CASK: variants seen among roughly 807,000 people sequenced by gnomAD.
The protein encoded by CASK is calcium/calmodulin dependent serine protein kinase, also known as peripheral plasma membrane protein CASK.
A neutral mutation model predicts 82.9 loss-of-function variants in CASK; 4 were observed. The ratio of observed to expected loss-of-function variants is 0.05; its 90% CI spans 0.02 to 0.11. The LOEUF is 0.11. Ranked by LOEUF, CASK falls within the 10% of genes least tolerant of loss-of-function variation. The pLI is 1.00. For missense variants in CASK, 358 were observed against 720.9 expected, an observed-to-expected ratio of 0.50 and a Z score of 5.76; for synonymous variants, 259 against 253.5, an observed-to-expected ratio of 1.02 and a Z score of -0.20.
intron 1 of CASK, among the ~76,000 whole-genome samples, chrX:41,920,337 C>A (rs1295292406): frequency 8.9e-6 from 1 of 111,951 alleles, no homozygotes; most frequent in African/African-American, 3.3e-5. Context: ...GTCAAGGTCC[C>A]TGCAAGAAAA....
intron 8 of CASK, among the ~76,000 whole-genome samples, chrX:41,647,836 C>T (rs1395704324): frequency 8.9e-6 from 1 of 112,078 alleles, no homozygotes; most frequent in African/African-American, 3.2e-5. Flanking sequence ...TTGTGATTTC[C>T]TATGCCTGTC....
chrX:41,774,196 T>C lies in CASK; in HGVS notation c.278+12982A>G, dbSNP rs957613825. Among the ~76,000 whole-genome samples the C allele has an allele frequency of 3.6e-5, 4 of 110,357 alleles. No homozygotes were observed. The East Asian group carries it at 1.1e-3, about 31-fold the overall frequency. On this transcript the variant is annotated intron_variant, in intron 3 of 26. Coordinates refer to ENST00000378163, the MANE Select transcript of CASK (RefSeq NM_001367721.1). Reference sequence around the variant, plus strand: ...TGATTGTATATCTAGAAAACCCCATTGTCTCAGCCCAAAATCTCCTTAAGC... The same window carrying C: ...TGATTGTATATCTAGAAAACCCCATCGTCTCAGCCCAAAATCTCCTTAAGC...
At chrX:41,661,136 C>T (rs1199229409) in intron 7 of CASK, among the ~76,000 whole-genome samples, 1 of 111,421 alleles carries the variant, frequency 9.0e-6, no homozygotes, top group Non-Finnish European at 1.9e-5. Flanking sequence ...GACAACTAAG[C>T]CACATGGTAT....
At chrX:41,612,515 T>C (rs2066089969) in intron 11 of CASK, among the ~76,000 whole-genome samples, 1 of 100,016 alleles carries the variant, frequency 1.0e-5, no homozygotes, top group Admixed American at 1.1e-4. Context: ...AGCCACCCCG[T>C]CCGGGAAGGA....
At chrX:41,903,852 A>T (rs571919694) in intron 1 of CASK, among the ~76,000 whole-genome samples, 8 of 112,333 alleles carry the variant, frequency 7.1e-5, no homozygotes, top group African/African-American at 2.6e-4. Flanking sequence ...GTAACTAAGG[A>T]ACTGAATTTT....
intron 1 of CASK, among the ~76,000 whole-genome samples, chrX:41,922,279 C>A (rs2072797352): frequency 9.0e-6 from 1 of 111,506 alleles, no homozygotes; most frequent in South Asian, 3.8e-4. Flanking sequence ...GCAGACGGCT[C>A]TACCACGCTA....
At chrX:41,753,414 C>T (rs2068831188) in intron 3 of CASK, among the ~76,000 whole-genome samples, 1 of 111,280 alleles carries the variant, frequency 9.0e-6, no homozygotes, top group Non-Finnish European at 1.9e-5. Context: ...ATTGTGAATG[C>T]TGACTTAAAA....
chrX:41,656,854 C>T (rs2066949714), intron 8 of CASK, among the ~76,000 whole-genome samples: 1 of 111,508 alleles, frequency 9.0e-6, no homozygotes, highest in South Asian at 3.8e-4. Flanking sequence ...CTGCCCCTCC[C>T]TATGCAGTGG....
chrX:41,765,136 G>C (rs918938412), intron 3 of CASK, among the ~76,000 whole-genome samples: 5 of 111,882 alleles, frequency 4.5e-5, no homozygotes, highest in African/African-American at 1.6e-4. Context: ...CTTAGACCTA[G>C]TGACCTTACA....
At chrX:41,716,448 T>C (rs1406844529) in intron 5 of CASK, among the ~76,000 whole-genome samples, 3 of 112,755 alleles carry the variant, frequency 2.7e-5, no homozygotes, top group Non-Finnish European at 5.6e-5. Context: ...TCCGCTTTTC[T>C]GAGGTATCCG....
rs778038901 is a variant in CASK, at chrX:41,748,342, T to C, written c.279-2741A>G. The stretch of plus-strand genomic sequence containing the variant: ...AGTTTCTAACTGTGATGATGAAGCA[T>C]GGTTACATTGGTGAATTTGAAATCA... On this transcript the variant is annotated intron_variant, in intron 3 of 26. Coordinates refer to ENST00000378163, the MANE Select transcript of CASK (RefSeq NM_001367721.1). 5 of 145,375 alleles carry C rather than the reference T, an allele frequency of 3.4e-5. No homozygotes were observed. In the South Asian group the frequency reaches 7.5e-4, roughly 22 times the overall value. 12.0% of individuals were successfully genotyped at this position (145,375 alleles called of 1,213,427 possible). A position where few individuals can be genotyped will look rare whatever the true frequency, so the allele number is the denominator to read the frequency against.
At chrX:41,673,579 G>C (rs954961309) in intron 5 of CASK, among the ~76,000 whole-genome samples, 33 of 111,532 alleles carry the variant, frequency 3.0e-4, no homozygotes, top group African/African-American at 1.0e-3. Context: ...GTCAGAGAAG[G>C]CCTCTCTAAT....
intron 5 of CASK, chrX:41,729,266 T>C (rs2068324095): frequency 8.1e-6 from 1 of 123,318 alleles, no homozygotes. Context: ...GAGCAGAAAA[T>C]ACTATCTTAT....
chrX:41,681,374 G>C (rs2067351749), intron 5 of CASK, among the ~76,000 whole-genome samples: 1 of 111,668 alleles, frequency 9.0e-6, no homozygotes, highest in African/African-American at 3.3e-5. Context: ...CAAATACAAA[G>C]AATGCAATAT....
Position 41,548,091 on chromosome X carries a change from T to G in CASK, c.2040-5285A>C, listed in dbSNP as rs1000491080. 8.0e-5 allele frequency among the ~76,000 whole-genome samples: 9 copies of G among 112,343 alleles called. No homozygotes were observed. In the East Asian group the frequency reaches 2.0e-3, roughly 24 times the overall value. On this transcript the variant is annotated intron_variant, in intron 21 of 26. Coordinates refer to ENST00000378163, the MANE Select transcript of CASK (RefSeq NM_001367721.1). ...TATACATGTCCTTTATCAGGTTAAG[T>G]TCCCCTCAATTCATAGTTTATGAGA...
chrX:41,587,179 A>G (rs2065669712), intron 13 of CASK, 192 bp from the exon 14 acceptor site: 1 of 377,678 alleles, frequency 2.6e-6, no homozygotes, highest in South Asian at 4.5e-5. Context: ...AATGAAGCAA[A>G]TTGTTCTAAA....
chrX:41,559,772 T>A lies in CASK; in HGVS notation c.1737+7A>T, dbSNP rs764187461. On this transcript the variant is annotated splice_region_variant and intron_variant, in intron 18 of 26. Coordinates refer to ENST00000378163, the MANE Select transcript of CASK (RefSeq NM_001367721.1). ...AGCAGATGGGGGTGGTTTGTTAGAG[T>A]CATTACCTCACAGGACGAAGACTGA... is the stretch of plus-strand genomic sequence containing the variant. 8.3e-7 allele frequency: 1 copy of A among 1,202,354 alleles called. No individual in the cohort carries two copies. Among genetic ancestry groups the A allele is most frequent in the South Asian group, 1.8e-5 (1 of 56,388 alleles).
rs1192734535 is a variant in CASK, at chrX:41,752,067, CA to C, written c.279-6467del. 8.7e-3 allele frequency among the ~76,000 whole-genome samples: 827 copies of C among 94,596 alleles called. 2 individuals are homozygous for C. Among genetic ancestry groups the C allele is most frequent in the South Asian group, 0.016 (32 of 1,988 alleles). 82.1% of individuals were successfully genotyped at this position (94,596 alleles called of 115,157 possible). On this transcript the variant is annotated intron_variant, in intron 3 of 26. Coordinates refer to ENST00000378163, the MANE Select transcript of CASK (RefSeq NM_001367721.1). ...TCCCCACCCACCAAAAAAAAAAACA[CA>C]AAAAAAAAACACCCCAAAAACCTCA...
At position 41,853,187 on chromosome X, in the gene CASK, T is replaced by C. The variant is rs763309338; in HGVS notation, c.100A>G (p.Thr34Ala). The change falls in exon 2 of 27, where the codon ACT (threonine) becomes GCT (alanine). Residue 34 changes from threonine to alanine, a missense_variant. Around this residue, in one of 5 missense-constraint regions of CASK, gnomAD observed 70 missense variants for 228.4 expected, o/e 0.31. Transcript: ENST00000378163. ...ATTTTTACAGCAAATTGTTGCCCAG[T>C]TTCTCTGTTGATACATCGTCGTACA... The part of the protein sequence containing the change: ...SVVRRCINRE[T>A]GQQFAVKIVD... 1.7e-6 allele frequency: 2 copies of C among 1,207,826 alleles called. No individual in the cohort carries two copies.
Sources: allele counts gnomAD v4.1 joint callset (sites outside exome capture counted in the v4.1 genomes callset), GRCh38; gene constraint gnomAD v4.1.1; regional missense constraint gnomAD v4.1.1; transcripts MANE v1.5; gene names NCBI Gene and HGNC (gene_info 2026-07-23, HGNC 2026-07-21).